IL4R: variants seen among roughly 807,000 people sequenced by gnomAD.
IL4R encodes the protein interleukin 4 receptor.
IL4R carries 17 observed loss-of-function variants against 41.5 expected under a neutral mutation model. The observed-to-expected ratio is 0.41, with a 90% CI of 0.28 to 0.61. IL4R has a LOEUF of 0.61. Among genes scored for constraint, IL4R ranks in the 20% least tolerant of loss-of-function variants. The pLI is 0.31. For synonymous variants in IL4R, 402 were observed against 422.9 expected (o/e 0.95, Z 0.61); for missense variants, 974 against 1,043.1 (o/e 0.93, Z 0.91).
In IL4R at chr16:27,345,895, C is replaced by G. The variant is rs1383238484; in HGVS notation, c.362-572C>G. Among the ~76,000 whole-genome samples, 4 of 152,142 alleles carry G rather than the reference C, an allele frequency of 2.6e-5. No homozygotes were observed. Among genetic ancestry groups the G allele is most frequent in the African/African-American group, 9.7e-5 (4 of 41,394 alleles). On this transcript the variant is annotated intron_variant, in intron 5 of 10. Coordinates refer to ENST00000395762, the MANE Select transcript of IL4R (RefSeq NM_000418.4). The surrounding 1 kb of genome is among the most constrained non-coding windows in gnomAD (Gnocchi z 4.5). Reference sequence around the variant, plus strand: ...GCTGAGGTAGGAGAATGGCTTGAACCCAGGAGAAGGAGGTTGCAGTGAGCT... The same window carrying G: ...GCTGAGGTAGGAGAATGGCTTGAACGCAGGAGAAGGAGGTTGCAGTGAGCT...
At chr16:27,361,582 A>ACC (rs2086285714) in intron 10 of IL4R, among the ~76,000 whole-genome samples, 1 of 148,742 alleles carries the variant, frequency 6.7e-6, no homozygotes, top group Non-Finnish European at 1.5e-5. Flanking sequence ...GGGGTCCAGG[A>ACC]CCCTGCTTCA....
At chr16:27,335,209 T>C (rs914620528) in intron 2 of IL4R, among the ~76,000 whole-genome samples, 2 of 152,144 alleles carry the variant, frequency 1.3e-5, no homozygotes, top group African/African-American at 2.4e-5. Flanking sequence ...CCCATTCTTG[T>C]TGGTGAGTTT....
In IL4R at chr16:27,327,363, G is replaced by A. The variant is rs559355802; in HGVS notation, c.-151-2703G>A. On this transcript the variant is annotated intron_variant, in intron 1 of 10. Transcript: ENST00000395762. The stretch of plus-strand genomic sequence containing the variant: ...GGTTCGGGAAGAGTCCTGCTGGGTC[G>A]CTTCCAGGCTGCTGCTGGCTTCTGA... Among the ~76,000 whole-genome samples, 6 of 152,226 alleles carry A rather than the reference G, an allele frequency of 3.9e-5. No individual in the cohort carries two copies. The South Asian group carries it at 1.0e-3, about 26-fold the overall frequency.
At chr16:27,327,501 T>A (rs1250158532) in intron 1 of IL4R, among the ~76,000 whole-genome samples, 5 of 152,190 alleles carry the variant, frequency 3.3e-5, no homozygotes, top group Admixed American at 6.5e-5. Context: ...GCTCATTTCC[T>A]GGCTGCGGCC....
chr16:27,357,082 C>T (rs1237852067), intron 8 of IL4R, among the ~76,000 whole-genome samples: 4 of 152,076 alleles, frequency 2.6e-5, no homozygotes, highest in African/African-American at 4.8e-5. Context: ...GATGAAAGTG[C>T]CCACTCTTGG....
At position 27,345,949 on chromosome 16, in the gene IL4R, G is replaced by A. The variant is rs2085627228; in HGVS notation, c.362-518G>A. 6.6e-6 allele frequency among the ~76,000 whole-genome samples: 1 copy of A among 152,184 alleles called. No individual in the cohort carries two copies. Among genetic ancestry groups the A allele is most frequent in the Admixed American group, 6.5e-5 (1 of 15,284 alleles). ...ATCATGCTACTGCCCTCCAGCCTGG[G>A]CGACAGAGTGAGATTACGTCTCAAA... On this transcript the variant is annotated intron_variant, in intron 5 of 10. Coordinates refer to ENST00000395762, the MANE Select transcript of IL4R (RefSeq NM_000418.4). This position sits in a 1 kb window ranked among gnomAD's most constrained non-coding sequence, Gnocchi z 4.5.
At chr16:27,359,078 C>T (rs1002279532) in intron 9 of IL4R, 84 bp downstream of exon 9, 7 of 1,022,362 alleles carry the variant, frequency 6.8e-6, no homozygotes, top group African/African-American at 4.8e-5. Flanking sequence ...TAAGGACCTT[C>T]ACTGGCTTCT....
Position 27,363,572 on chromosome 16 carries a change from C to A in IL4R, c.2220C>A (p.Ala740=). The A allele has an allele frequency of 6.2e-7, 1 of 1,614,168 alleles. No individual in the cohort carries two copies. The highest frequency in any genetic ancestry group is 1.7e-5 in the Admixed American group (1 of 60,032). The change falls in exon 11 of 11, where the codon GCC becomes GCA. Residue 740 remains alanine, a synonymous_variant. Coordinates refer to ENST00000395762, the MANE Select transcript of IL4R (RefSeq NM_000418.4). ...QEDGGQTPVM[A]SPCCGCCCGD... ...ATGGTGGCCAGACCCCTGTCATGGC[C>A]AGTCCTTGCTGTGGCTGCTGCTGTG...
At chr16:27,347,908 CAT>C (rs1416314512) in intron 6 of IL4R, among the ~76,000 whole-genome samples, 5 of 152,378 alleles carry the variant, frequency 3.3e-5, no homozygotes, top group East Asian at 1.9e-4. Context: ...GTTTGGCCCA[CAT>C]GTGTCCTAAA....
chr16:27,333,805 G>T (rs1489170156), intron 2 of IL4R, among the ~76,000 whole-genome samples: 1 of 152,030 alleles, frequency 6.6e-6, no homozygotes, highest in Non-Finnish European at 1.5e-5. Context: ...TGGGGTGTTC[G>T]CAGGACATCC....
intron 7 of IL4R, chr16:27,355,131 G>T: frequency 2.6e-6 from 1 of 387,826 alleles, no homozygotes; most frequent in Non-Finnish European, 5.7e-6. Flanking sequence ...ACATTCTGGA[G>T]GGAGAGACAA....
chr16:27,363,411 G>T lies in IL4R; in HGVS notation c.2059G>T (p.Glu687Ter), dbSNP rs2086377280. The change falls in exon 11 of 11, where the codon GAG (glutamate) becomes TAG (stop). Residue 687 changes from glutamate (E) to a stop codon, truncating the protein, a stop_gained. Transcript: ENST00000395762. LOFTEE classifies it low-confidence loss of function (END_TRUNC). ...HLGLEPGEKV[E>*]DMPKPPLPQE... Reference sequence around the variant, plus strand: ...GGGTCTGGAGCCGGGGGAAAAGGTAGAGGACATGCCAAAGCCCCCACTTCC... The same window carrying T: ...GGGTCTGGAGCCGGGGGAAAAGGTATAGGACATGCCAAAGCCCCCACTTCC... The T allele has an allele frequency of 6.2e-7, 1 of 1,614,038 alleles. No individual in the cohort carries two copies. The highest frequency in any genetic ancestry group is 1.7e-5 in the Admixed American group (1 of 60,010).
At position 27,338,368 on chromosome 16, in the gene IL4R, C is replaced by T. The variant is rs193221467; in HGVS notation, c.-18-1818C>T. Among the ~76,000 whole-genome samples the T allele has an allele frequency of 2.0e-4, 30 of 151,948 alleles. 1 individual carries two copies. In the East Asian group the frequency reaches 5.2e-3, roughly 27 times the overall value. On this transcript the variant is annotated intron_variant, in intron 2 of 10. Coordinates refer to ENST00000395762, the MANE Select transcript of IL4R (RefSeq NM_000418.4). Reference sequence around the variant, plus strand: ...AAGTAGCTAGGATTACAGGCATGCACCACCGTGCCTGGCTGATTTTGTTTA... The same window carrying T: ...AAGTAGCTAGGATTACAGGCATGCATCACCGTGCCTGGCTGATTTTGTTTA...
At chr16:27,330,994 G>A (rs1272017031) in intron 2 of IL4R, among the ~76,000 whole-genome samples, 1 of 151,996 alleles carries the variant, frequency 6.6e-6, no homozygotes, top group Non-Finnish European at 1.5e-5. Flanking sequence ...CTCTGGCTGT[G>A]ATGTGGAGAA....
intron 4 of IL4R, among the ~76,000 whole-genome samples, chr16:27,343,411 T>TTTTTTTTG (rs1555487770): frequency 1.3e-5 from 2 of 151,418 alleles, no homozygotes; most frequent in Middle Eastern, 3.2e-3. Context: ...CCTTTATGTT[T>TTTTTTTTG]TTTGTTTGTT....
chr16:27,324,199 G>A (rs997860615), intron 1 of IL4R, among the ~76,000 whole-genome samples: 3 of 152,212 alleles, frequency 2.0e-5, no homozygotes, highest in African/African-American at 2.4e-5. Context: ...GCACCCTGGC[G>A]CCAAGAGGCC....
At chr16:27,341,013 A>G (rs2085424078) in intron 3 of IL4R, 2 of 552,086 alleles carry the variant, frequency 3.6e-6, no homozygotes, top group African/African-American at 3.8e-5. Flanking sequence ...TGGCTGAATC[A>G]AAAAAGACCT....
At chr16:27,338,118 G>A (rs1208769898) in intron 2 of IL4R, among the ~76,000 whole-genome samples, 4 of 151,114 alleles carry the variant, frequency 2.6e-5, no homozygotes, top group African/African-American at 9.7e-5. Flanking sequence ...CACCACACTT[G>A]GCTAATTTTT....
intron 1 of IL4R, among the ~76,000 whole-genome samples, chr16:27,318,942 G>A (rs775752308): frequency 6.6e-6 from 1 of 152,218 alleles, no homozygotes; most frequent in African/African-American, 2.4e-5. Flanking sequence ...GGTGCTTAAC[G>A]CTTGCTTAGC....
Sources: allele counts gnomAD v4.1 joint callset (sites outside exome capture counted in the v4.1 genomes callset), GRCh38; gene constraint gnomAD v4.1.1; non-coding constraint Gnocchi (gnomAD v3.1); transcripts MANE v1.5; gene names NCBI Gene and HGNC (gene_info 2026-07-23, HGNC 2026-07-21).